CLDN14: variants seen among roughly 807,000 people sequenced by gnomAD.
CLDN14 encodes claudin-14.
Under a neutral mutation model 2.1 loss-of-function variants are expected in CLDN14, and 2 were observed. The observed-to-expected ratio is 0.96, with a 90% confidence interval of 0.39 to 3.01. The LOEUF is 3.01. Among genes scored for constraint, CLDN14 ranks in the 30% most tolerant of loss-of-function variants. CLDN14 has a pLI of 0.09. For synonymous variants in CLDN14, 136 were observed against 154.4 expected, an observed-to-expected ratio of 0.88 and a Z score of 0.88; for missense variants, 298 against 328.0, an observed-to-expected ratio of 0.91 and a Z score of 0.71.
intron 1 of CLDN14, among the ~76,000 whole-genome samples, chr21:36,475,730 G>A (rs1388323227): frequency 6.6e-6 from 1 of 151,946 alleles, no homozygotes; most frequent in Non-Finnish European, 1.5e-5. Context: ...TGGCTTCATT[G>A]ATTTAACTTT....
intron 1 of CLDN14, among the ~76,000 whole-genome samples, chr21:36,520,885 C>A (rs574733720): frequency 1.3e-5 from 2 of 152,016 alleles, no homozygotes; most frequent in Non-Finnish European, 2.9e-5. Context: ...AAACACTAAC[C>A]CCCTTCAACG....
intron 1 of CLDN14, among the ~76,000 whole-genome samples, chr21:36,512,225 C>T (rs1370986984): frequency 6.6e-6 from 1 of 152,114 alleles, no homozygotes; most frequent in Non-Finnish European, 1.5e-5. Flanking sequence ...TAACAACTCT[C>T]CCATGTTAGG....
chr21:36,555,799 A>G (rs1197745124), intron 1 of CLDN14, among the ~76,000 whole-genome samples: 1 of 133,358 alleles, frequency 7.5e-6, no homozygotes, highest in East Asian at 2.2e-4. Flanking sequence ...CCGATTTTCT[A>G]TAGGTCAGTG....
intron 2 of CLDN14, among the ~76,000 whole-genome samples, chr21:36,508,410 G>A (rs1026994640): frequency 3.9e-5 from 6 of 152,156 alleles, no homozygotes; most frequent in Non-Finnish European, 7.3e-5. Context: ...CAATCCTATC[G>A]GGCATCATTA....
chr21:36,507,124 TAAA>T (rs61037603), intron 2 of CLDN14, among the ~76,000 whole-genome samples: 1 of 142,382 alleles, frequency 7.0e-6, no homozygotes, highest in African/African-American at 2.5e-5. Context: ...TGCTCCCTCT[TAAA>T]AAAAAAAAAG....
chr21:36,483,143 C>T (rs1383622511), upstream of CLDN14, among the ~76,000 whole-genome samples: 5 of 152,224 alleles, frequency 3.3e-5, no homozygotes, highest in Non-Finnish European at 7.3e-5. Flanking sequence ...TGTTACTACC[C>T]TGTATCCACC....
intron 2 of CLDN14, among the ~76,000 whole-genome samples, chr21:36,489,174 A>C (rs1434158520): frequency 7.0e-6 from 1 of 143,374 alleles, no homozygotes; most frequent in East Asian, 2.0e-4. Flanking sequence ...AGAGAGAGAG[A>C]GAAAGAGAAT....
chr21:36,516,084 G>A (rs886855190), intron 1 of CLDN14, among the ~76,000 whole-genome samples: 5 of 152,012 alleles, frequency 3.3e-5, no homozygotes, highest in Admixed American at 6.5e-5. Flanking sequence ...CACTGGGCCC[G>A]GCCGTTTTCC....
upstream of CLDN14, among the ~76,000 whole-genome samples, chr21:36,483,385 T>C (rs1209667819): frequency 6.6e-6 from 1 of 152,224 alleles, no homozygotes; most frequent in Non-Finnish European, 1.5e-5. Flanking sequence ...AAATGCATCA[T>C]GTGGTTTCAA....
chr21:36,505,583 A>G (rs2087125675), intron 2 of CLDN14, among the ~76,000 whole-genome samples: 1 of 152,244 alleles, frequency 6.6e-6, no homozygotes, highest in Non-Finnish European at 1.5e-5. Context: ...GCAGCTCACC[A>G]GAACCTAACA....
At chr21:36,562,842 C>A (rs1479329032) in intron 1 of CLDN14, among the ~76,000 whole-genome samples, 1 of 152,088 alleles carries the variant, frequency 6.6e-6, no homozygotes, top group Admixed American at 6.6e-5. Flanking sequence ...CCTGGGAATT[C>A]TAATAACCCT....
intron 1 of CLDN14, among the ~76,000 whole-genome samples, chr21:36,514,053 C>T (rs189825870): frequency 6.6e-6 from 1 of 152,100 alleles, no homozygotes; most frequent in Admixed American, 6.5e-5. Flanking sequence ...GACAGGGTTT[C>T]TCACGTTGCC....
chr21:36,534,054 A>T (rs1308573455), intron 1 of CLDN14, among the ~76,000 whole-genome samples: 1 of 152,172 alleles, frequency 6.6e-6, no homozygotes, highest in Non-Finnish European at 1.5e-5. Context: ...AGAACTGAAC[A>T]CAGAAAAATT....
intron 2 of CLDN14, among the ~76,000 whole-genome samples, chr21:36,495,850 C>T (rs967757432): frequency 1.3e-4 from 20 of 152,108 alleles, no homozygotes; most frequent in African/African-American, 4.6e-4. Context: ...CCACTGGTGT[C>T]CTTATAAGAG....
At chr21:36,471,575 A>C (rs1013041096) in intron 1 of CLDN14, among the ~76,000 whole-genome samples, 2 of 152,204 alleles carry the variant, frequency 1.3e-5, no homozygotes, top group Non-Finnish European at 2.9e-5. Flanking sequence ...AAAAGCCCCA[A>C]ATTTGGGGCA....
At chr21:36,496,712 G>A (rs1350028177) in intron 2 of CLDN14, among the ~76,000 whole-genome samples, 23 of 44,166 alleles carry the variant, frequency 5.2e-4, no homozygotes, top group African/African-American at 6.2e-4. Flanking sequence ...GAAGGGAGGA[G>A]GGGAGGAAGG....
Position 36,461,323 on chromosome 21 carries a change from A to G in CLDN14, c.373T>C (p.Phe125Leu). 1.2e-6 allele frequency: 2 copies of G among 1,613,510 alleles called. No homozygotes were observed. Among genetic ancestry groups the G allele is most frequent in the Non-Finnish European group, 1.7e-6 (2 of 1,179,956 alleles). The change falls in exon 2 of 2, where the codon TTC (phenylalanine) becomes CTC (leucine). Residue 125 changes from phenylalanine to leucine, a missense_variant. Physicochemically the swap from Phe to Leu is conservative, Grantham distance 22 (BLOSUM62 0). Transcript: ENST00000399135. The stretch of plus-strand genomic sequence containing the variant: ...ATGCACAGGAGGCCGGCCAGGATGA[A>G]GAGGGTGCCGCCGAGGATGGCAAAG... ...TTFAILGGTL[F>L]ILAGLLCMVA...
intron 2 of CLDN14, among the ~76,000 whole-genome samples, chr21:36,504,584 C>A (rs373258446): frequency 6.6e-6 from 1 of 152,276 alleles, no homozygotes; most frequent in African/African-American, 2.4e-5. Context: ...TGTGTTAAGA[C>A]CTATCTGAAG....
Position 36,565,286 on chromosome 21 carries a change from A to G in CLDN14, c.-220+11125T>C, listed in dbSNP as rs565796696. Among the ~76,000 whole-genome samples the G allele has an allele frequency of 2.6e-5, 4 of 152,298 alleles. No individual in the cohort carries two copies. The South Asian group carries it at 8.3e-4, about 32-fold the overall frequency. ...CAGCCCAGCCCTTGCTGCTGCTGTG[A>G]GAATGGGCATGAGGTCACCATCCTC... On this transcript the variant is annotated intron_variant, in intron 1 of 2. Transcript: ENST00000342108.
Sources: gnomAD v4.1 joint callset for allele counts (sites outside exome capture counted in the v4.1 genomes callset) on GRCh38, gnomAD v4.1.1 for gene constraint, MANE v1.5 for transcripts, NCBI Gene and HGNC (gene_info 2026-07-23, HGNC 2026-07-21) for gene names.